PSTK: variants seen among roughly 807,000 people sequenced by gnomAD.
The protein encoded by PSTK is L-seryl-tRNA(Sec) kinase.
In PSTK, 26 loss-of-function variants were observed where a neutral mutation model predicts 38.6. That is an observed-to-expected ratio of 0.67 (90% CI 0.49 to 0.94). PSTK has a LOEUF of 0.94. Among genes scored for constraint, PSTK ranks in the 40% least tolerant of loss-of-function variants. The pLI is 0.00. For synonymous variants in PSTK, 181 were observed against 161.7 expected, an observed-to-expected ratio of 1.12 and a Z score of -0.91; for missense variants, 445 against 436.3, an observed-to-expected ratio of 1.02 and a Z score of -0.18.
intron 3 of PSTK, 40 bp from the exon 4 acceptor site, chr10:122,986,260 A>T: frequency 1.9e-5 from 20 of 1,069,308 alleles, no homozygotes; most frequent in South Asian, 2.9e-5. Context: ...CAGATGTTGG[A>T]TATAAGGATC....
intron 5 of PSTK, among the ~76,000 whole-genome samples, chr10:122,989,606 G>GT (rs1256619199): frequency 6.6e-6 from 1 of 152,162 alleles, no homozygotes; most frequent in Non-Finnish European, 1.5e-5. Context: ...GCACATATCT[G>GT]TGAGTATATA....
In PSTK at chr10:122,983,379, G is replaced by T. The variant is rs3736582; in HGVS notation, c.616G>T (p.Gly206Ter). ...ALPPETIHLMGRKLEKPNPEK... is the reference protein window; with the variant it reads ...ALPPETIHLM ...GCCTCCTGAGACCATCCACCTGATG[G>T]GAAGAAAGCTAGAAAAGCCCAACCC... The change falls in exon 3 of 6, where the codon GGA becomes TGA. Residue 206 changes from glycine to a stop codon, truncating the protein, a stop_gained. Coordinates refer to ENST00000406217, the MANE Select transcript of PSTK (RefSeq NM_001363531.2). LOFTEE classifies it high-confidence loss of function. 3.7e-6 allele frequency: 6 copies of T among 1,613,852 alleles called. No individual in the cohort carries two copies. The highest frequency in any genetic ancestry group is 1.3e-5 in the African/African-American group (1 of 74,868).
rs558435354 is a variant in PSTK at position 122,983,035 on chromosome 10, CTTTT to C, written c.508+17_508+20del. ...AGCTGGCTCGGAAATGTAATTAAAA[CTTTT>C]TTTTTCTTACACATGGAGATACTTA... On this transcript the variant is annotated intron_variant, in intron 2 of 5. Transcript: ENST00000406217. The C allele has an allele frequency of 6.4e-7, 1 of 1,564,558 alleles. No homozygotes were observed. The highest frequency in any genetic ancestry group is 8.7e-7 in the Non-Finnish European group (1 of 1,145,596).
In PSTK at chr10:122,980,674, C is replaced by A. The variant is rs202174196; in HGVS notation, c.195C>A (p.Ala65=). 1 of 1,457,828 alleles carries A rather than the reference C, an allele frequency of 6.9e-7. No individual in the cohort carries two copies. The highest frequency in any genetic ancestry group is 9.2e-7 in the Non-Finnish European group (1 of 1,089,418). The allele number at this position is 1,457,828 out of a possible 1,614,324, so 90.3% of individuals were successfully genotyped here. The part of the protein sequence containing the change: ...YDDVMPDAFL[A]GARARPAPSQ... ...ACGTCATGCCCGACGCGTTTCTCGC[C>A]GGGGCAAGAGCGCGACCGGCGGTCA... is the stretch of plus-strand genomic sequence containing the variant. The change falls in exon 1 of 6, where the codon GCC becomes GCA. Residue 65 remains alanine (A), a synonymous_variant. Coordinates refer to ENST00000406217, the MANE Select transcript of PSTK (RefSeq NM_001363531.2). This position sits in a 1 kb window ranked among gnomAD's most constrained non-coding sequence, Gnocchi z 4.3.
In PSTK at chr10:122,986,466, G is replaced by A. The variant is rs557347312; in HGVS notation, c.783+91G>A. The A allele has an allele frequency of 1.6e-5, 15 of 922,088 alleles. No individual in the cohort carries two copies. In the East Asian group the frequency reaches 2.5e-4, roughly 15 times the overall value. The allele number at this position is 922,088 out of a possible 1,614,324, so 57.1% of individuals were successfully genotyped here. A position where few individuals can be genotyped will look rare whatever the true frequency, so the allele number is the denominator to read the frequency against. ...GCCGAATATAAAATGTGAGTGAAACGGGAGATGCGTTGTCATTGGCTTGGC... is the reference window on the plus strand; with the variant it reads ...GCCGAATATAAAATGTGAGTGAAACAGGAGATGCGTTGTCATTGGCTTGGC... On this transcript the variant is annotated intron_variant, in intron 4 of 5. Coordinates refer to ENST00000406217, the MANE Select transcript of PSTK (RefSeq NM_001363531.2).
Position 122,980,485 on chromosome 10 carries a change from G to A in PSTK, c.6G>A (p.Lys2=), listed in dbSNP as rs746216912. The A allele has an allele frequency of 8.8e-6, 14 of 1,599,260 alleles. No individual in the cohort carries two copies. Among genetic ancestry groups the A allele is most frequent in the South Asian group, 2.2e-5 (2 of 90,222 alleles). Reference sequence around the variant, plus strand: ...CTCCGGTCTCCCCGGGCAGCATGAAGACCGCCGAGAACATCAGAGGAACCG... The same window carrying A: ...CTCCGGTCTCCCCGGGCAGCATGAAAACCGCCGAGAACATCAGAGGAACCG... M[K]TAENIRGTGS... Residue 2 remains lysine (K), a synonymous_variant, in exon 1 of 6, where the codon AAG becomes AAA. Coordinates refer to ENST00000406217, the MANE Select transcript of PSTK (RefSeq NM_001363531.2). This position sits in a 1 kb window ranked among gnomAD's most constrained non-coding sequence, Gnocchi z 4.3.
chr10:122,982,370 G>A (rs1192716183), intron 1 of PSTK: 1 of 124,452 alleles, frequency 8.0e-6, no homozygotes, highest in Admixed American at 8.6e-5. Flanking sequence ...CTCTGCTGGA[G>A]GCTGAGTATG....
At chr10:122,989,433 G>C (rs1365712310) in intron 5 of PSTK, among the ~76,000 whole-genome samples, 2 of 152,026 alleles carry the variant, frequency 1.3e-5, no homozygotes, top group African/African-American at 4.8e-5. Flanking sequence ...TGTATTTTTA[G>C]TAGAGGAGGG....
At chr10:122,987,696 T>C (rs1340712496) in intron 5 of PSTK, among the ~76,000 whole-genome samples, 2 of 152,230 alleles carry the variant, frequency 1.3e-5, no homozygotes. Flanking sequence ...AAACCAGCAA[T>C]GAACATTTTT....
intron 5 of PSTK, chr10:122,987,617 TAG>T (rs748483980): frequency 7.0e-7 from 1 of 1,423,684 alleles, no homozygotes; most frequent in Non-Finnish European, 9.3e-7. Context: ...ATGTGGTAAC[TAG>T]AGTTTTACAC....
chr10:122,981,505 TA>T (rs1250673618), intron 1 of PSTK, among the ~76,000 whole-genome samples: 5 of 152,320 alleles, frequency 3.3e-5, no homozygotes, highest in South Asian at 2.1e-4. Context: ...CACTCTTGAG[TA>T]AATACTCTTT....
chr10:122,985,211 G>A (rs1301118004), intron 3 of PSTK: 3 of 152,394 alleles, frequency 2.0e-5, no homozygotes. Context: ...AACACAAGGA[G>A]CATGTTCTTG....
At chr10:122,988,464 A>T (rs1849065480) in intron 5 of PSTK, among the ~76,000 whole-genome samples, 1 of 152,142 alleles carries the variant, frequency 6.6e-6, no homozygotes, top group African/African-American at 2.4e-5. Flanking sequence ...GTGCTTAATT[A>T]AAAATTCAGT....
chr10:122,986,187 C>T (rs1224597399), intron 3 of PSTK, 113 bp from the exon 4 acceptor site: 2 of 587,182 alleles, frequency 3.4e-6, no homozygotes, highest in African/African-American at 2.0e-5. Context: ...CGCCGCTGCA[C>T]TCCAGCCTGG....
Position 122,980,916 on chromosome 10 carries a change from C to A in PSTK, c.216+221C>A. 2 of 611,422 alleles carry A rather than the reference C, an allele frequency of 3.3e-6. No homozygotes were observed. Among genetic ancestry groups the A allele is most frequent in the Non-Finnish European group, 4.1e-6 (2 of 488,472 alleles). The allele number at this position is 611,422 out of a possible 1,614,324, so 37.9% of individuals were successfully genotyped here. A position where few individuals can be genotyped will look rare whatever the true frequency, so the allele number is the denominator to read the frequency against. On this transcript the variant is annotated intron_variant, in intron 1 of 5. Transcript: ENST00000406217. This position sits in a 1 kb window ranked among gnomAD's most constrained non-coding sequence, Gnocchi z 4.3. ...GTGGTTACAAAGCCAACTGTTAGAA[C>A]GATGCATTTTAGATGCTTATCTGTA... is the stretch of plus-strand genomic sequence containing the variant.
At chr10:122,989,333 C>A (rs1292619470) in intron 5 of PSTK, among the ~76,000 whole-genome samples, 1 of 152,092 alleles carries the variant, frequency 6.6e-6, no homozygotes, top group South Asian at 2.1e-4. Flanking sequence ...CTCACTGCAA[C>A]CTCCACCTCC....
chr10:122,983,396 G>A lies in PSTK; in HGVS notation c.633G>A (p.Lys211=), dbSNP rs779673889. 7 of 1,614,198 alleles carry A rather than the reference G, an allele frequency of 4.3e-6. No individual in the cohort carries two copies. In the Admixed American group the frequency reaches 1.2e-4, roughly 27 times the overall value. Reference sequence around the variant, plus strand: ...ACCTGATGGGAAGAAAGCTAGAAAAGCCCAACCCTGAGAAAAATGCTTGGG... The same window carrying A: ...ACCTGATGGGAAGAAAGCTAGAAAAACCCAACCCTGAGAAAAATGCTTGGG... The part of the protein sequence containing the change: ...TIHLMGRKLE[K]PNPEKNAWEH... The change falls in exon 3 of 6, where the codon AAG becomes AAA. Residue 211 remains lysine, a synonymous_variant. Coordinates refer to ENST00000406217, the MANE Select transcript of PSTK (RefSeq NM_001363531.2).
chr10:122,986,900 T>C lies in PSTK; in HGVS notation c.815T>C (p.Ile272Thr). ...DTDRIICSTNILHKTDQTLRR... is the reference protein window; with the variant it reads ...DTDRIICSTNTLHKTDQTLRR... ...GACAGAATTATTTGTTCAACTAACA[T>C]TCTTCATAAAACTGATCAGACACTC... The change falls in exon 5 of 6, where the codon ATT (isoleucine) becomes ACT (threonine). Residue 272 changes from isoleucine to threonine, a missense_variant. Ile to Thr is a moderately conservative substitution (Grantham distance 89). Coordinates refer to ENST00000406217, the MANE Select transcript of PSTK (RefSeq NM_001363531.2). 6.2e-7 allele frequency: 1 copy of C among 1,611,798 alleles called. No individual in the cohort carries two copies. The highest frequency in any genetic ancestry group is 8.5e-7 in the Non-Finnish European group (1 of 1,178,048).
rs772149793 is a variant in PSTK, at chr10:122,980,447, C to G, written c.-33C>G. 6.5e-7 allele frequency: 1 copy of G among 1,543,022 alleles called. No individual in the cohort carries two copies. The highest frequency in any genetic ancestry group is 8.7e-7 in the Non-Finnish European group (1 of 1,147,314). ...AGGGCAGACGGTAGAGCGGAGACGA[C>G]GCTCCCAGACTCCTCCGGTCTCCCC... On this transcript the variant is annotated 5_prime_UTR_variant, in exon 1 of 6. Coordinates refer to ENST00000406217, the MANE Select transcript of PSTK (RefSeq NM_001363531.2). This position sits in a 1 kb window ranked among gnomAD's most constrained non-coding sequence, Gnocchi z 4.3.
Sources: allele counts gnomAD v4.1 joint callset (sites outside exome capture counted in the v4.1 genomes callset), GRCh38; gene constraint gnomAD v4.1.1; non-coding constraint Gnocchi (gnomAD v3.1); transcripts MANE v1.5; gene names NCBI Gene and HGNC (gene_info 2026-07-23, HGNC 2026-07-21).